PRLR: variants seen among roughly 807,000 people sequenced by gnomAD.
PRLR encodes hPRL receptor.
A neutral mutation model predicts 40.2 loss-of-function variants in PRLR; 13 were observed. The observed-to-expected ratio is 0.32, with a 90% CI of 0.21 to 0.51. The LOEUF (loss-of-function observed/expected upper bound fraction) is 0.51, where lower values mean the gene tolerates loss of function less well. PRLR is among the 20% of genes least tolerant of loss of function. The pLI, the probability that PRLR is intolerant of heterozygous loss-of-function variation, is 0.97. For synonymous variants in PRLR, 269 were observed against 278.7 expected (o/e 0.97, Z 0.35); for missense variants, 656 against 747.3 (o/e 0.88, Z 1.42).
At chr5:35,111,770 T>C (rs930416110) in intron 2 of PRLR, among the ~76,000 whole-genome samples, 2 of 152,156 alleles carry the variant, frequency 1.3e-5, no homozygotes, top group African/African-American at 4.8e-5. Context: ...ATACAGAAAG[T>C]AGATGTTTTT....
intron 1 of PRLR, among the ~76,000 whole-genome samples, chr5:35,131,607 C>T (rs995237193): frequency 2.6e-5 from 4 of 152,178 alleles, no homozygotes; most frequent in Non-Finnish European, 5.9e-5. Flanking sequence ...GGCCCACATT[C>T]CCTGGGACGG....
At chr5:35,137,251 A>T (rs1422985957) in intron 1 of PRLR, among the ~76,000 whole-genome samples, 1 of 152,220 alleles carries the variant, frequency 6.6e-6, no homozygotes, top group Non-Finnish European at 1.5e-5. Flanking sequence ...CATGGGTTGT[A>T]AGTGACTGGA....
chr5:35,089,549 A>T lies in PRLR; in HGVS notation c.70+2T>A. 2 of 1,600,704 alleles carry T rather than the reference A, an allele frequency of 1.2e-6. No homozygotes were observed. The highest frequency in any genetic ancestry group is 1.7e-6 in the Non-Finnish European group (2 of 1,167,734). On this transcript the variant is annotated splice_donor_variant, in intron 3 of 9. Coordinates refer to ENST00000618457, the MANE Select transcript of PRLR (RefSeq NM_000949.7). LOFTEE classifies it high-confidence loss of function. ...AAGAGAGCGTGATAGCCTCTTACTT[A>T]CCATTCAGAAGGCAGGTGTTGAGAA...
In PRLR at chr5:35,190,131, C is replaced by T. The variant is rs1456878927; in HGVS notation, c.-106+40137G>A. Among the ~76,000 whole-genome samples, 3 of 152,146 alleles carry T rather than the reference C, an allele frequency of 2.0e-5. No individual in the cohort carries two copies. The East Asian group carries it at 5.8e-4, about 29-fold the overall frequency. On this transcript the variant is annotated intron_variant, in intron 1 of 9. Transcript: ENST00000618457. ...AGACAACACATTTCTGTTGTTTAAG[C>T]CACCCAGTTGTGGTACTTTGTTATG...
At chr5:35,160,655 G>A (rs1014990870) in intron 1 of PRLR, among the ~76,000 whole-genome samples, 5 of 152,114 alleles carry the variant, frequency 3.3e-5, no homozygotes, top group Non-Finnish European at 7.4e-5. Context: ...ATTGCAGATT[G>A]GCCTTTTGAG....
intron 1 of PRLR, among the ~76,000 whole-genome samples, chr5:35,144,087 TG>T (rs1333886616): frequency 1.7e-4 from 25 of 150,640 alleles, no homozygotes; most frequent in Admixed American, 1.7e-3. Flanking sequence ...CATTCTTTTT[TG>T]TTTTGTATGA....
chr5:35,078,386 C>A (rs1770259508), intron 5 of PRLR, among the ~76,000 whole-genome samples: 1 of 152,042 alleles, frequency 6.6e-6, no homozygotes, highest in African/African-American at 2.4e-5. Flanking sequence ...CCACCAATCC[C>A]ACAGAAATAG....
chr5:35,056,239 C>T lies in PRLR; in HGVS notation c.*8850G>A, dbSNP rs541648452. ...TGGAGGAGATGTAAATACAAGAATT[C>T]CAGTTTAGGTGTTGGGACTTCCAAG... On this transcript the variant is annotated 3_prime_UTR_variant, in exon 10 of 10. Transcript: ENST00000618457. The T allele has an allele frequency of 1.3e-5, 2 of 151,962 alleles. No homozygotes were observed. The highest frequency in any genetic ancestry group is 2.9e-5 in the Non-Finnish European group (2 of 68,002). 9.4% of individuals were successfully genotyped at this position (151,962 alleles called of 1,614,324 possible).
chr5:35,138,596 C>T (rs1333342124), intron 1 of PRLR, among the ~76,000 whole-genome samples: 1 of 152,174 alleles, frequency 6.6e-6, no homozygotes, highest in African/African-American at 2.4e-5. Flanking sequence ...TTGAGAAAAA[C>T]ACCCTGTGTA....
chr5:35,084,654 G>A lies in PRLR; in HGVS notation c.204-15C>T. On this transcript the variant is annotated splice_polypyrimidine_tract_variant and intron_variant, in intron 4 of 9. Transcript: ENST00000618457. ...TGAGTGTCTCTCTGCAATAAGTAAT[G>A]TATTAGGAATGAATAAGAAAGTAAT... 1 of 1,604,162 alleles carries A rather than the reference G, an allele frequency of 6.2e-7. No homozygotes were observed. Among genetic ancestry groups the A allele is most frequent in the Non-Finnish European group, 8.5e-7 (1 of 1,175,504 alleles).
chr5:35,087,628 G>A (rs538617733), intron 3 of PRLR, among the ~76,000 whole-genome samples: 2 of 152,118 alleles, frequency 1.3e-5, no homozygotes, highest in Non-Finnish European at 2.9e-5. Flanking sequence ...AGCAACCACT[G>A]TTATCTAAGA....
chr5:35,055,470 G>A (rs1191432487), downstream of PRLR, among the ~76,000 whole-genome samples: 2 of 151,932 alleles, frequency 1.3e-5, no homozygotes, highest in Non-Finnish European at 2.9e-5. Flanking sequence ...GTTCAAAGAT[G>A]AGCACAAAAA....
At chr5:35,217,783 C>T (rs1382399517) in intron 1 of PRLR, among the ~76,000 whole-genome samples, 2 of 151,984 alleles carry the variant, frequency 1.3e-5, no homozygotes, top group Non-Finnish European at 2.9e-5. Context: ...TCAATGATGT[C>T]CTTTGAAAAG....
chr5:35,221,248 T>A (rs1205321240), intron 1 of PRLR, among the ~76,000 whole-genome samples: 1 of 152,204 alleles, frequency 6.6e-6, no homozygotes, highest in Non-Finnish European at 1.5e-5. Flanking sequence ...AGAAAGCAAG[T>A]CTTGGTTAAC....
At chr5:35,139,896 G>A (rs1579722399) in intron 1 of PRLR, among the ~76,000 whole-genome samples, 1 of 151,464 alleles carries the variant, frequency 6.6e-6, no homozygotes, top group East Asian at 2.0e-4. Flanking sequence ...GAGAATTAGA[G>A]CAAATAAAAA....
At chr5:35,154,944 G>A (rs545179989) in intron 1 of PRLR, among the ~76,000 whole-genome samples, 30 of 151,964 alleles carry the variant, frequency 2.0e-4, no homozygotes, top group South Asian at 4.2e-4. Context: ...TGATGAGAAC[G>A]CGTGGACACA....
chr5:35,062,495 T>G lies in PRLR; in HGVS notation c.*2594A>C, dbSNP rs1386762589. The G allele has an allele frequency of 2.6e-5, 4 of 151,212 alleles. No homozygotes were observed. Among genetic ancestry groups the G allele is most frequent in the Non-Finnish European group, 5.9e-5 (4 of 68,002 alleles). The allele number at this position is 151,212 out of a possible 1,614,324, so 9.4% of individuals were successfully genotyped here. A position where few individuals can be genotyped will look rare whatever the true frequency, so the allele number is the denominator to read the frequency against. On this transcript the variant is annotated 3_prime_UTR_variant, in exon 10 of 10. Coordinates refer to ENST00000618457, the MANE Select transcript of PRLR (RefSeq NM_000949.7). Reference sequence around the variant, plus strand: ...AATTCAGATAAACAGTGCTAATTGATCATAGAATTAAAGTCTTGGCCTAAT... The same window carrying G: ...AATTCAGATAAACAGTGCTAATTGAGCATAGAATTAAAGTCTTGGCCTAAT...
rs575265927 is a variant in PRLR at position 35,163,826 on chromosome 5, T to A, written c.-105-45704A>T. ...CATTCCTGAGAAGTTCATTTATTCATGCATGCAGGCATCAAGTATTCACTG... is the reference window on the plus strand; with the variant it reads ...CATTCCTGAGAAGTTCATTTATTCAAGCATGCAGGCATCAAGTATTCACTG... On this transcript the variant is annotated intron_variant, in intron 1 of 9. Transcript: ENST00000618457. Among the ~76,000 whole-genome samples, 7 of 152,366 alleles carry A rather than the reference T, an allele frequency of 4.6e-5. No individual in the cohort carries two copies. The South Asian group carries it at 1.2e-3, about 27-fold the overall frequency.
chr5:35,048,907 C>T (rs748886599), exon 9 of PRLR: 4 of 338,710 alleles, frequency 1.2e-5, no homozygotes, highest in Non-Finnish European at 2.4e-5. Flanking sequence ...GGTCGAGGGA[C>T]TGGGGATGGG....
Sources: gnomAD v4.1 joint callset for allele counts (sites outside exome capture counted in the v4.1 genomes callset) on GRCh38, gnomAD v4.1.1 for gene constraint, MANE v1.5 for transcripts, NCBI Gene and HGNC (gene_info 2026-07-23, HGNC 2026-07-21) for gene names.